ANGPT4: variants seen among roughly 807,000 people sequenced by gnomAD.
The protein encoded by ANGPT4 is angiopoietin-4.
In ANGPT4, 50 loss-of-function variants were observed where a neutral mutation model predicts 53.0. The ratio of observed to expected loss-of-function variants is 0.94; its 90% CI spans 0.75 to 1.20. ANGPT4 has a LOEUF of 1.20. Among genes scored for constraint, ANGPT4 ranks in the 50% most tolerant of loss-of-function variants. The probability of loss-of-function intolerance (pLI) is 0.00; values close to 1 mark genes in which losing one functional copy is unlikely to be tolerated. For synonymous variants in ANGPT4, 251 were observed against 259.7 expected, an observed-to-expected ratio of 0.97 and a Z score of 0.32; for missense variants, 648 against 637.1, an observed-to-expected ratio of 1.02 and a Z score of -0.18.
At chr20:879,063 C>T (rs977822462) in intron 6 of ANGPT4, among the ~76,000 whole-genome samples, 1 of 152,170 alleles carries the variant, frequency 6.6e-6, no homozygotes, top group Non-Finnish European at 1.5e-5. Context: ...TTCCTCCTTG[C>T]CATTTTAATG....
chr20:879,991 G>A, intron 5 of ANGPT4, 143 bp from the exon 6 acceptor site: 1 of 492,862 alleles, frequency 2.0e-6, no homozygotes, highest in Non-Finnish European at 3.6e-6. Flanking sequence ...GAAAGATCCA[G>A]GCTTAAATTC....
At chr20:904,455 T>G (rs1386115223) in intron 1 of ANGPT4, among the ~76,000 whole-genome samples, 2 of 152,124 alleles carry the variant, frequency 1.3e-5, no homozygotes, top group African/African-American at 4.8e-5. Context: ...CATTGTTTGC[T>G]CATCTAGTCC....
rs533684700 is a variant in ANGPT4, at chr20:899,951, A to G, written c.310-9583T>C. ...CTTTCTCATGATTTACTTTCTTTCCATCACTCCCACCTACTCTCCCACTGA... is the reference window on the plus strand; with the variant it reads ...CTTTCTCATGATTTACTTTCTTTCCGTCACTCCCACCTACTCTCCCACTGA... On this transcript the variant is annotated intron_variant, in intron 1 of 8. Coordinates refer to ENST00000381922, the MANE Select transcript of ANGPT4 (RefSeq NM_015985.4). Among the ~76,000 whole-genome samples, 88 of 152,154 alleles carry G rather than the reference A, an allele frequency of 5.8e-4. 1 individual carries two copies. In the Middle Eastern group the frequency reaches 0.02, roughly 35 times the overall value.
chr20:899,545 C>G (rs547713768), intron 1 of ANGPT4, among the ~76,000 whole-genome samples: 24 of 152,172 alleles, frequency 1.6e-4, no homozygotes, highest in African/African-American at 3.9e-4. Context: ...GAACCACCGC[C>G]CCCGGCCTGG....
intron 1 of ANGPT4, among the ~76,000 whole-genome samples, chr20:912,901 C>T (rs1032807354): frequency 1.3e-5 from 2 of 152,170 alleles, no homozygotes; most frequent in Non-Finnish European, 2.9e-5. Flanking sequence ...AAAGTACCTG[C>T]AGTTTGTAGT....
At chr20:889,272 G>A (rs1600052633) in intron 2 of ANGPT4, among the ~76,000 whole-genome samples, 1 of 150,534 alleles carries the variant, frequency 6.6e-6, no homozygotes, top group Middle Eastern at 3.5e-3. Context: ...GACATGTGTT[G>A]CTTAATGACG....
At position 871,126 on chromosome 20, in the gene ANGPT4, G is replaced by A. The variant is rs1411192; in HGVS notation, c.*1834C>T. The stretch of plus-strand genomic sequence containing the variant: ...CTGCTGGGCAAATGCTGCTTAAGGC[G>A]ATTTGAGCTCTCTGGGCAGCAATCT... On this transcript the variant is annotated 3_prime_UTR_variant, in exon 9 of 9. Transcript: ENST00000381922. 0.13 allele frequency: 19,404 copies of A among 152,266 alleles called. 1,659 individuals are homozygous for A. The highest frequency in any genetic ancestry group is 0.25 in the African/African-American group (10,177 of 41,520). 9.4% of individuals were successfully genotyped at this position (152,266 alleles called of 1,614,324 possible). A position where few individuals can be genotyped will look rare whatever the true frequency, so the allele number is the denominator to read the frequency against.
intron 7 of ANGPT4, among the ~76,000 whole-genome samples, chr20:875,062 T>C (rs1981111794): frequency 1.3e-5 from 2 of 152,124 alleles, no homozygotes; most frequent in Admixed American, 1.3e-4. Context: ...TTGCATCTAC[T>C]ATGTGTTCAA....
chr20:904,793 A>T (rs1225758741), intron 1 of ANGPT4, among the ~76,000 whole-genome samples: 1 of 151,906 alleles, frequency 6.6e-6, no homozygotes, highest in Non-Finnish European at 1.5e-5. Flanking sequence ...GGCCCAGCCA[A>T]TTTTTCAGTA....
chr20:913,384 G>T (rs1388264708), intron 1 of ANGPT4, among the ~76,000 whole-genome samples: 1 of 152,098 alleles, frequency 6.6e-6, no homozygotes, highest in African/African-American at 2.4e-5. Context: ...AACCAAGGGA[G>T]ACCGAAACCT....
intron 1 of ANGPT4, among the ~76,000 whole-genome samples, chr20:904,148 A>G (rs528817692): frequency 5.6e-4 from 86 of 152,366 alleles, no homozygotes; most frequent in African/African-American, 1.8e-3. Context: ...TCCAAGGAAC[A>G]AAAAGGAGTG....
At chr20:915,854 G>T in intron 1 of ANGPT4, 52 bp downstream of exon 1, 1 of 1,519,006 alleles carries the variant, frequency 6.6e-7, no homozygotes, top group Non-Finnish European at 8.8e-7. Context: ...TGCTGATTGT[G>T]ACAGACCCCA....
At chr20:902,353 A>G (rs77439141) in intron 1 of ANGPT4, among the ~76,000 whole-genome samples, 7,052 of 152,016 alleles carry the variant, frequency 0.046, 515 homozygotes, top group African/African-American at 0.16. Context: ...AAAAAAAAGG[A>G]CATGCTTTTC....
At chr20:878,567 C>T (rs1342569857) in intron 6 of ANGPT4, among the ~76,000 whole-genome samples, 1 of 152,206 alleles carries the variant, frequency 6.6e-6, no homozygotes, top group African/African-American at 2.4e-5. Flanking sequence ...TCACATTCCT[C>T]TGAAGTTCAA....
chr20:915,792 T>A (rs377130281), intron 1 of ANGPT4, 114 bp downstream of exon 1: 6 of 1,318,920 alleles, frequency 4.5e-6, no homozygotes, highest in Non-Finnish European at 4.2e-6. Flanking sequence ...TTTGTGCAGC[T>A]CAGAGACAGC....
At chr20:902,864 T>G (rs1196308748) in intron 1 of ANGPT4, among the ~76,000 whole-genome samples, 1 of 152,116 alleles carries the variant, frequency 6.6e-6, no homozygotes, top group African/African-American at 2.4e-5. Context: ...TTGCCTGCCT[T>G]CTGGGGCCTG....
At chr20:893,846 C>G (rs1488835061) in intron 1 of ANGPT4, among the ~76,000 whole-genome samples, 1 of 152,232 alleles carries the variant, frequency 6.6e-6, no homozygotes, top group East Asian at 1.9e-4. Context: ...CTAGTAAGTA[C>G]TGCCCACTGT....
At chr20:904,764 C>A (rs1422671120) in intron 1 of ANGPT4, among the ~76,000 whole-genome samples, 2 of 152,118 alleles carry the variant, frequency 1.3e-5, no homozygotes, top group Non-Finnish European at 2.9e-5. Context: ...GTATCTGGGA[C>A]TATAGGCATG....
intron 1 of ANGPT4, among the ~76,000 whole-genome samples, chr20:912,366 C>T (rs1982737015): frequency 6.6e-6 from 1 of 152,230 alleles, no homozygotes; most frequent in Non-Finnish European, 1.5e-5. Context: ...AGGGCCAGCA[C>T]TGGGTCCTAG....
Sources: gnomAD v4.1 joint callset for allele counts (sites outside exome capture counted in the v4.1 genomes callset) on GRCh38, gnomAD v4.1.1 for gene constraint, MANE v1.5 for transcripts, NCBI Gene and HGNC (gene_info 2026-07-23, HGNC 2026-07-21) for gene names.